The following CAMKMT variants were observed in gnomAD, a reference collection of about 807,000 sequenced individuals.
CAMKMT encodes the protein calmodulin-lysine N-methyltransferase, also known as CaM KMT.
A neutral mutation model predicts 48.0 loss-of-function variants in CAMKMT; 53 were observed. That is an observed-to-expected ratio of 1.10 (90% CI 0.89 to 1.39). The LOEUF is 1.39. Among genes scored for constraint, CAMKMT ranks in the 40% most tolerant of loss-of-function variants. The probability of loss-of-function intolerance (pLI) is 0.00; values close to 1 mark genes in which losing one functional copy is unlikely to be tolerated. For synonymous variants in CAMKMT, 165 were observed against 152.3 expected, an observed-to-expected ratio of 1.08 and a Z score of -0.61; for missense variants, 428 against 402.7, an observed-to-expected ratio of 1.06 and a Z score of -0.54.
At chr2:44,659,408 C>T (rs1674556744) in intron 3 of CAMKMT, among the ~76,000 whole-genome samples, 1 of 151,720 alleles carries the variant, frequency 6.6e-6, no homozygotes, top group South Asian at 2.1e-4. Context: ...GCTTGGGCAA[C>T]AGAACAAGAC....
At chr2:44,383,915 G>A (rs938075607) in intron 2 of CAMKMT, among the ~76,000 whole-genome samples, 1 of 152,156 alleles carries the variant, frequency 6.6e-6, no homozygotes, top group Non-Finnish European at 1.5e-5. Context: ...TTGCAATTGT[G>A]AATTGTGCTG....
At chr2:44,732,532 AC>A (rs1679133778) in intron 7 of CAMKMT, among the ~76,000 whole-genome samples, 1 of 152,148 alleles carries the variant, frequency 6.6e-6, no homozygotes, top group Non-Finnish European at 1.5e-5. Flanking sequence ...TAAGGGTCCT[AC>A]TTGTATGCGC....
intron 3 of CAMKMT, among the ~76,000 whole-genome samples, chr2:44,683,838 A>AG (rs1553437595): frequency 2.0e-4 from 30 of 149,464 alleles, no homozygotes; most frequent in East Asian, 3.9e-4. Flanking sequence ...AAAAAAAAAA[A>AG]AAAAAGAAAA....
At chr2:44,457,491 C>T (rs112844005) in intron 3 of CAMKMT, among the ~76,000 whole-genome samples, 7,938 of 151,700 alleles carry the variant, frequency 0.052, 267 homozygotes, top group South Asian at 0.13. Context: ...CTCCACCCCC[C>T]GGGTTCAAGC....
intron 3 of CAMKMT, among the ~76,000 whole-genome samples, chr2:44,652,301 C>G (rs1215316338): frequency 1.3e-5 from 2 of 152,160 alleles, no homozygotes; most frequent in African/African-American, 4.8e-5. Context: ...GGACTTGCCC[C>G]TCGCTTCTCA....
At chr2:44,475,403 C>G (rs549716765) in intron 3 of CAMKMT, among the ~76,000 whole-genome samples, 1 of 151,672 alleles carries the variant, frequency 6.6e-6, no homozygotes. Context: ...TTGCAACCTC[C>G]GCCTCCTGGG....
intron 7 of CAMKMT, among the ~76,000 whole-genome samples, chr2:44,737,908 T>C (rs1011343971): frequency 2.0e-5 from 3 of 150,540 alleles, no homozygotes; most frequent in Non-Finnish European, 4.4e-5. Context: ...CAGGCTGGAG[T>C]GCAGTGGTGT....
intron 3 of CAMKMT, among the ~76,000 whole-genome samples, chr2:44,534,086 C>T (rs1666634450): frequency 6.6e-6 from 1 of 152,020 alleles, no homozygotes; most frequent in Admixed American, 6.6e-5. Flanking sequence ...GCTATACTTA[C>T]ATAAAACAGA....
chr2:44,445,161 C>T (rs1298458757), intron 3 of CAMKMT, among the ~76,000 whole-genome samples: 7 of 152,274 alleles, frequency 4.6e-5, no homozygotes, highest in Admixed American at 4.6e-4. Context: ...CTGACAGTAG[C>T]AGGGATAGAG....
chr2:44,403,475 C>G (rs531606609), intron 3 of CAMKMT, among the ~76,000 whole-genome samples: 2 of 152,298 alleles, frequency 1.3e-5, no homozygotes, highest in African/African-American at 4.8e-5. Flanking sequence ...AGATTTTCAA[C>G]AAATTCTTCT....
intron 3 of CAMKMT, among the ~76,000 whole-genome samples, chr2:44,495,375 C>A (rs2104724981): frequency 6.6e-6 from 1 of 152,178 alleles, no homozygotes; most frequent in South Asian, 2.1e-4. Flanking sequence ...AACTCCTGGC[C>A]TCAAGCAATC....
chr2:44,621,458 C>A lies in CAMKMT; in HGVS notation c.377-82825C>A, dbSNP rs1006308234. ...GCTTTACATTGGATGGCCTGGCAGGCTTCTCTGAGGAAGCGACATTTGAAC... is the reference window on the plus strand; with the variant it reads ...GCTTTACATTGGATGGCCTGGCAGGATTCTCTGAGGAAGCGACATTTGAAC... On this transcript the variant is annotated intron_variant, in intron 3 of 10. Coordinates refer to ENST00000378494, the MANE Select transcript of CAMKMT (RefSeq NM_024766.5). Among the ~76,000 whole-genome samples, 4 of 152,068 alleles carry A rather than the reference C, an allele frequency of 2.6e-5. No individual in the cohort carries two copies. In the South Asian group the frequency reaches 6.2e-4, roughly 24 times the overall value.
At chr2:44,663,125 A>G (rs1475761470) in intron 3 of CAMKMT, among the ~76,000 whole-genome samples, 2 of 152,200 alleles carry the variant, frequency 1.3e-5, no homozygotes, top group Non-Finnish European at 2.9e-5. Context: ...TAAAATCAGG[A>G]AATTTAACAT....
chr2:44,650,247 A>G (rs1673984071), intron 3 of CAMKMT, among the ~76,000 whole-genome samples: 1 of 152,104 alleles, frequency 6.6e-6, no homozygotes, highest in Admixed American at 6.5e-5. Flanking sequence ...CTGGGCTTGC[A>G]GCTGCATCAC....
At chr2:44,534,297 C>T (rs772261190) in intron 3 of CAMKMT, among the ~76,000 whole-genome samples, 18 of 152,068 alleles carry the variant, frequency 1.2e-4, no homozygotes, top group Admixed American at 9.8e-4. Flanking sequence ...TTCCACTCAT[C>T]GTCTAATGCA....
intron 3 of CAMKMT, among the ~76,000 whole-genome samples, chr2:44,407,065 T>C (rs1211977217): frequency 6.6e-6 from 1 of 152,208 alleles, no homozygotes; most frequent in Non-Finnish European, 1.5e-5. Context: ...ATGCCTCTTC[T>C]GTTAGGTCAT....
chr2:44,569,341 A>G (rs1165440451), intron 3 of CAMKMT, among the ~76,000 whole-genome samples: 3 of 152,222 alleles, frequency 2.0e-5, no homozygotes, highest in African/African-American at 7.2e-5. Context: ...TATTATACGA[A>G]TGGCGATTTT....
chr2:44,470,994 C>CTTTTTTT (rs11362559), intron 3 of CAMKMT, among the ~76,000 whole-genome samples: 2 of 74,926 alleles, frequency 2.7e-5, no homozygotes, highest in Non-Finnish European at 2.7e-5. Context: ...CTCTCTCTCT[C>CTTTTTTT]TTTTTTTTTT....
chr2:44,442,768 T>G (rs1067351), intron 3 of CAMKMT, among the ~76,000 whole-genome samples: 1 of 152,092 alleles, frequency 6.6e-6, no homozygotes, highest in Non-Finnish European at 1.5e-5. Flanking sequence ...GCACTAGGCA[T>G]CTACTGTAAT....
Sources: gnomAD v4.1 joint callset for allele counts (sites outside exome capture counted in the v4.1 genomes callset) on GRCh38, gnomAD v4.1.1 for gene constraint, MANE v1.5 for transcripts, NCBI Gene and HGNC (gene_info 2026-07-23, HGNC 2026-07-21) for gene names.